Variants in CTNNA2 observed in about 807,000 individuals in gnomAD.
CTNNA2 encodes the protein catenin alpha-2.
CTNNA2 carries 42 observed loss-of-function variants against 101.0 expected under a neutral mutation model. The ratio of observed to expected loss-of-function variants is 0.42; its 90% CI spans 0.32 to 0.54. CTNNA2 has a LOEUF of 0.54. CTNNA2 is among the 20% of genes least tolerant of loss of function. The pLI is 0.14. For synonymous variants in CTNNA2, 450 were observed against 456.4 expected (o/e 0.99, Z 0.18); for missense variants, 871 against 1,223.1 (o/e 0.71, Z 4.29).
intron 8 of CTNNA2, 90 bp downstream of exon 8, chr2:80,393,381 A>C: frequency 1.1e-6 from 1 of 904,628 alleles, no homozygotes; most frequent in Non-Finnish European, 1.7e-6. Context: ...TGGAGATGAC[A>C]ATGAGGTTGT....
chr2:79,903,984 G>A (rs1403290764), intron 6 of CTNNA2, among the ~76,000 whole-genome samples: 1 of 152,110 alleles, frequency 6.6e-6, no homozygotes, highest in African/African-American at 2.4e-5. Flanking sequence ...CCCCTCTATG[G>A]CACCGTACAT....
At chr2:79,823,947 G>A (rs1422201184) in intron 3 of CTNNA2, among the ~76,000 whole-genome samples, 1 of 151,844 alleles carries the variant, frequency 6.6e-6, no homozygotes, top group South Asian at 2.1e-4. Flanking sequence ...AGACTTTCCA[G>A]GAAGCCAAAA....
intron 9 of CTNNA2, among the ~76,000 whole-genome samples, chr2:80,523,262 G>A (rs1314439687): frequency 6.6e-6 from 1 of 152,168 alleles, no homozygotes; most frequent in Non-Finnish European, 1.5e-5. Flanking sequence ...GAGCAGAAAG[G>A]AAAGTGAAGT....
At chr2:80,077,917 T>C (rs1698867296) in intron 7 of CTNNA2, among the ~76,000 whole-genome samples, 1 of 152,186 alleles carries the variant, frequency 6.6e-6, no homozygotes, top group Non-Finnish European at 1.5e-5. Flanking sequence ...ACTGAATGGG[T>C]ACATAAAATA....
intron 18 of CTNNA2, among the ~76,000 whole-genome samples, chr2:80,639,513 A>ATGTGTGTGTATGTG (rs1553418425): frequency 6.8e-6 from 1 of 147,408 alleles, no homozygotes; most frequent in Non-Finnish European, 1.5e-5. Flanking sequence ...CCCAGCCTTG[A>ATGTGTGTGTATGTG]TGTGTGTGTG....
intron 2 of CTNNA2, among the ~76,000 whole-genome samples, chr2:79,706,042 C>T (rs548543087): frequency 4.0e-4 from 61 of 152,032 alleles, no homozygotes; most frequent in Middle Eastern, 6.8e-3. Context: ...ATGGAAGAGC[C>T]GAAGGCCTTC....
At chr2:79,921,068 A>C (rs993941168) in intron 7 of CTNNA2, among the ~76,000 whole-genome samples, 2 of 152,240 alleles carry the variant, frequency 1.3e-5, no homozygotes, top group South Asian at 2.1e-4. Context: ...CTGAAGAGAT[A>C]CATCGACAGA....
chr2:79,556,813 G>A (rs1674476404), intron 1 of CTNNA2, among the ~76,000 whole-genome samples: 1 of 151,966 alleles, frequency 6.6e-6, no homozygotes, highest in African/African-American at 2.4e-5. Flanking sequence ...GCAGTGTTTG[G>A]AAATGTTCAT....
chr2:80,437,277 A>T (rs909257072), intron 9 of CTNNA2, among the ~76,000 whole-genome samples: 20 of 152,170 alleles, frequency 1.3e-4, no homozygotes, highest in African/African-American at 4.8e-4. Context: ...TTCGCAACGT[A>T]CTTAGTCACT....
At position 79,218,655 on chromosome 2, in the gene CTNNA2, G is replaced by A. The variant is rs548333906; in HGVS notation, c.-406+20579G>A. Among the ~76,000 whole-genome samples, 82 of 152,284 alleles carry A rather than the reference G, an allele frequency of 5.4e-4. 1 individual carries two copies. The South Asian group carries it at 0.017, about 31-fold the overall frequency. ...CACTGGGTTCAGGTATTAAACTACT[G>A]TAGCACTATAGGGAGGATCAGAGAC... is the stretch of plus-strand genomic sequence containing the variant. On this transcript the variant is annotated intron_variant, in intron 2 of 21. Transcript: ENST00000466387.
At chr2:79,850,790 A>G (rs766530736) in intron 3 of CTNNA2, among the ~76,000 whole-genome samples, 7 of 152,180 alleles carry the variant, frequency 4.6e-5, no homozygotes, top group South Asian at 2.1e-4. Flanking sequence ...GTAGTAAAAG[A>G]GTTGATACAG....
chr2:79,415,891 T>C (rs1678474207), intron 4 of CTNNA2, among the ~76,000 whole-genome samples: 1 of 152,168 alleles, frequency 6.6e-6, no homozygotes, highest in Admixed American at 6.6e-5. Flanking sequence ...GGAAGTTATA[T>C]TTGTTATTCC....
At chr2:79,521,644 G>A (rs1175746531) in intron 1 of CTNNA2, among the ~76,000 whole-genome samples, 1 of 152,118 alleles carries the variant, frequency 6.6e-6, no homozygotes, top group East Asian at 1.9e-4. Flanking sequence ...TTTTAATGAG[G>A]AAGAGGTAAA....
chr2:80,429,496 G>GTA (rs1681293562), intron 9 of CTNNA2, among the ~76,000 whole-genome samples: 1 of 152,140 alleles, frequency 6.6e-6, no homozygotes, highest in Admixed American at 6.5e-5. Flanking sequence ...CAAGGTATCT[G>GTA]TACAGCCTAA....
At chr2:79,601,041 T>C (rs905661535) in intron 1 of CTNNA2, among the ~76,000 whole-genome samples, 30 of 152,174 alleles carry the variant, frequency 2.0e-4, no homozygotes, top group Non-Finnish European at 4.0e-4. Flanking sequence ...TGTGTATGTA[T>C]ATATGCACAC....
At chr2:79,336,390 A>G (rs751393906) in intron 3 of CTNNA2, among the ~76,000 whole-genome samples, 2 of 152,100 alleles carry the variant, frequency 1.3e-5, no homozygotes, top group Non-Finnish European at 2.9e-5. Flanking sequence ...GAGAATGACT[A>G]TATCTTCAAA....
At chr2:79,974,656 T>C (rs1690711857) in intron 7 of CTNNA2, among the ~76,000 whole-genome samples, 1 of 152,140 alleles carries the variant, frequency 6.6e-6, no homozygotes, top group African/African-American at 2.4e-5. Flanking sequence ...AGAGCAGATA[T>C]AGGTTGAAGG....
intron 7 of CTNNA2, among the ~76,000 whole-genome samples, chr2:80,300,467 T>C (rs1424273008): frequency 6.6e-6 from 1 of 152,148 alleles, no homozygotes; most frequent in Non-Finnish European, 1.5e-5. Context: ...CCACCAACCC[T>C]TAGCTTAAGG....
chr2:80,033,177 A>G (rs1413283800), intron 7 of CTNNA2, among the ~76,000 whole-genome samples: 14 of 151,542 alleles, frequency 9.2e-5, no homozygotes, highest in Non-Finnish European at 1.9e-4. Flanking sequence ...CAAACACACA[A>G]AAACCCCCCA....
Sources: allele counts gnomAD v4.1 joint callset (sites outside exome capture counted in the v4.1 genomes callset), GRCh38; gene constraint gnomAD v4.1.1; transcripts MANE v1.5; gene names NCBI Gene and HGNC (gene_info 2026-07-23, HGNC 2026-07-21).